Variants in SLC1A2 observed in about 807,000 individuals in gnomAD.
SLC1A2 encodes the protein excitatory amino acid transporter 2.
In SLC1A2, 15 loss-of-function variants were observed where a neutral mutation model predicts 48.8. That is an observed-to-expected ratio of 0.31 (90% CI 0.21 to 0.47). The LOEUF (loss-of-function observed/expected upper bound fraction) is 0.47. Among genes scored for constraint, SLC1A2 ranks in the 20% least tolerant of loss-of-function variants. SLC1A2 has a pLI of 0.99. For missense variants in SLC1A2, 502 were observed against 730.5 expected, an observed-to-expected ratio of 0.69 and a Z score of 3.61; for synonymous variants, 279 against 272.6, an observed-to-expected ratio of 1.02 and a Z score of -0.23.
chr11:35,298,790 C>T (rs1565223491), intron 6 of SLC1A2: 1 of 152,192 alleles, frequency 6.6e-6, no homozygotes, highest in Non-Finnish European at 1.5e-5. Context: ...ACAGACTCAT[C>T]TGATGTCCTA....
At chr11:35,364,232 G>C (rs929414780) in intron 1 of SLC1A2, among the ~76,000 whole-genome samples, 1 of 152,158 alleles carries the variant, frequency 6.6e-6, no homozygotes, top group African/African-American at 2.4e-5. Flanking sequence ...GCTGTGGGGA[G>C]AGTTAAGCAA....
At chr11:35,311,895 A>G (rs150675908) in intron 4 of SLC1A2, among the ~76,000 whole-genome samples, 1 of 50,756 alleles carries the variant, frequency 2.0e-5, no homozygotes, top group Non-Finnish European at 3.5e-5. Context: ...AGAGAGAGGG[A>G]GGGAGAGAGA....
chr11:35,270,471 G>T (rs1176031928), intron 9 of SLC1A2, among the ~76,000 whole-genome samples: 2 of 152,216 alleles, frequency 1.3e-5, no homozygotes, highest in African/African-American at 4.8e-5. Context: ...CTTTGTTAGT[G>T]AATTTATTTA....
intron 3 of SLC1A2, among the ~76,000 whole-genome samples, chr11:35,312,735 T>C (rs1851746339): frequency 6.6e-6 from 1 of 152,230 alleles, no homozygotes; most frequent in Non-Finnish European, 1.5e-5. Flanking sequence ...TTATTTACAA[T>C]ACCTAATACA....
At chr11:35,359,737 A>G (rs1000593272) in intron 1 of SLC1A2, among the ~76,000 whole-genome samples, 6 of 152,270 alleles carry the variant, frequency 3.9e-5, no homozygotes, top group African/African-American at 1.4e-4. Flanking sequence ...TTTATTCAGC[A>G]TCCTAAGATG....
At chr11:35,278,143 G>A (rs971085154) in intron 9 of SLC1A2, among the ~76,000 whole-genome samples, 4 of 152,174 alleles carry the variant, frequency 2.6e-5, no homozygotes, top group East Asian at 1.9e-4. Context: ...GTCACCTTCC[G>A]CTAAAGGTAT....
chr11:35,306,403 T>C (rs1851507774), intron 4 of SLC1A2, among the ~76,000 whole-genome samples, 161 bp from the exon 5 acceptor site: 1 of 152,344 alleles, frequency 6.6e-6, no homozygotes, highest in African/African-American at 2.4e-5. Flanking sequence ...TTTATATGTC[T>C]ATATTTACAA....
At chr11:35,356,211 G>A (rs1335174812) in intron 1 of SLC1A2, among the ~76,000 whole-genome samples, 1 of 152,066 alleles carries the variant, frequency 6.6e-6, no homozygotes, top group East Asian at 1.9e-4. Flanking sequence ...CTAGACTGGG[G>A]GACCCCATGA....
rs114532081 is a variant in SLC1A2, at chr11:35,303,821, G to T, written c.731-2176C>A. Among the ~76,000 whole-genome samples, 491 of 152,198 alleles carry T rather than the reference G, an allele frequency of 3.2e-3. 2 individuals carry two copies. The highest frequency in any genetic ancestry group is 0.01 in the African/African-American group (433 of 41,516). Reference sequence around the variant, plus strand: ...AGAGAAATGGTTCCTTAAAGAAGTGGGAGGCAAGAGCTGGGGTTGTATCTT... The same window carrying T: ...AGAGAAATGGTTCCTTAAAGAAGTGTGAGGCAAGAGCTGGGGTTGTATCTT... On this transcript the variant is annotated intron_variant, in intron 5 of 10. Coordinates refer to ENST00000278379, the MANE Select transcript of SLC1A2 (RefSeq NM_004171.4).
intron 1 of SLC1A2, among the ~76,000 whole-genome samples, chr11:35,324,173 C>T (rs1301351815): frequency 6.6e-6 from 1 of 152,230 alleles, no homozygotes; most frequent in Non-Finnish European, 1.5e-5. Context: ...GGCAGGTATA[C>T]AGCCAGTGGA....
In SLC1A2 at chr11:35,274,275, G is replaced by A. The variant is rs552702456; in HGVS notation, c.1421+6592C>T. Among the ~76,000 whole-genome samples the A allele has an allele frequency of 1.1e-4, 16 of 152,158 alleles. No individual in the cohort carries two copies. In the South Asian group the frequency reaches 1.2e-3, roughly 12 times the overall value. ...ATATATCAAAAAATGATTTTGCTGC[G>A]CAGAACTATAGCCCTGCCCCATCCC... On this transcript the variant is annotated intron_variant, in intron 9 of 10. Transcript: ENST00000278379.
intron 1 of SLC1A2, among the ~76,000 whole-genome samples, chr11:35,327,357 C>T (rs530280713): frequency 1.8e-4 from 28 of 151,618 alleles, no homozygotes; most frequent in African/African-American, 6.8e-4. Context: ...GTGGATTTCC[C>T]AGCAAAAGAA....
At chr11:35,358,142 T>TA (rs879302935) in intron 1 of SLC1A2, among the ~76,000 whole-genome samples, 1,523 of 141,704 alleles carry the variant, frequency 0.011, 17 homozygotes, top group African/African-American at 0.024. Flanking sequence ...AGACTCCGTC[T>TA]AAAAAAAAAA....
At chr11:35,419,957 G>T (rs1344432540), upstream of SLC1A2, 1 of 469,710 alleles carries the variant, frequency 2.1e-6, no homozygotes, top group Non-Finnish European at 4.4e-6. This position sits in a 1 kb window ranked among gnomAD's most constrained non-coding sequence, Gnocchi z 5.4. Context: ...ACGTCTGGGG[G>T]TCCCAGGTCC....
intron 1 of SLC1A2, among the ~76,000 whole-genome samples, chr11:35,405,691 G>C (rs963474080): frequency 1.3e-5 from 2 of 152,138 alleles, no homozygotes; most frequent in African/African-American, 4.8e-5. Context: ...CAGCTGCATG[G>C]GGACATGAAT....
intron 1 of SLC1A2, among the ~76,000 whole-genome samples, chr11:35,388,061 T>C (rs958297338): frequency 5.3e-5 from 8 of 152,220 alleles, no homozygotes; most frequent in Admixed American, 1.3e-4. Context: ...CTTGAAGTGG[T>C]AGAGGCAGAA....
chr11:35,312,736 A>G (rs936555397), intron 3 of SLC1A2, among the ~76,000 whole-genome samples: 1 of 152,248 alleles, frequency 6.6e-6, no homozygotes, highest in Non-Finnish European at 1.5e-5. Flanking sequence ...TATTTACAAT[A>G]CCTAATACAA....
intron 1 of SLC1A2, chr11:35,360,065 G>A (rs1590227063): frequency 1.0e-6 from 1 of 984,930 alleles, no homozygotes; most frequent in East Asian, 1.1e-4. Flanking sequence ...TCGGCTCCAG[G>A]AACGTGCTGG....
chr11:35,404,882 A>G (rs981347562), intron 1 of SLC1A2, among the ~76,000 whole-genome samples: 6 of 152,224 alleles, frequency 3.9e-5, no homozygotes, highest in African/African-American at 1.4e-4. Flanking sequence ...GAGAAAACCC[A>G]GCATCTCGGC....
Sources: allele counts gnomAD v4.1 joint callset (sites outside exome capture counted in the v4.1 genomes callset), GRCh38; gene constraint gnomAD v4.1.1; non-coding constraint Gnocchi (gnomAD v3.1); transcripts MANE v1.5; gene names NCBI Gene and HGNC (gene_info 2026-07-23, HGNC 2026-07-21).